SPATA7: variants seen among roughly 807,000 people sequenced by gnomAD.
SPATA7 encodes the protein spermatogenesis associated 7.
SPATA7 carries 43 observed loss-of-function variants against 51.8 expected under a neutral mutation model. That is an observed-to-expected ratio of 0.83 (90% CI 0.65 to 1.07). SPATA7 has a LOEUF of 1.07. SPATA7 is among the 50% of genes least tolerant of loss of function. The probability of loss-of-function intolerance (pLI) is 0.00; values close to 1 mark genes in which losing one functional copy is unlikely to be tolerated. For missense variants in SPATA7, 683 were observed against 701.3 expected (o/e 0.97, Z 0.30); for synonymous variants, 230 against 252.8 (o/e 0.91, Z 0.86).
At chr14:88,398,941 G>A (rs112999725) in intron 4 of SPATA7, among the ~76,000 whole-genome samples, 5,489 of 151,272 alleles carry the variant, frequency 0.036, 311 homozygotes, top group African/African-American at 0.12. Flanking sequence ...AGTCCCAGCT[G>A]CTCGGGAGGC....
At chr14:88,468,350 A>C in intron 4 of SPATA7, 1 of 1,361,684 alleles carries the variant, frequency 7.3e-7, no homozygotes, top group South Asian at 1.5e-5. Context: ...CCTGGCAGAA[A>C]CCTGGTTGGG....
At chr14:88,403,344 A>G (rs890113078) in intron 4 of SPATA7, among the ~76,000 whole-genome samples, 7 of 152,242 alleles carry the variant, frequency 4.6e-5, no homozygotes, top group African/African-American at 7.2e-5. Context: ...AAATGAAATC[A>G]GTATGTCAAG....
At chr14:88,417,771 A>G (rs2076525645) in intron 5 of SPATA7, among the ~76,000 whole-genome samples, 1 of 152,150 alleles carries the variant, frequency 6.6e-6, no homozygotes. Context: ...TCTGTCCATT[A>G]TTGATACTGG....
At chr14:88,390,485 T>TG (rs1186186492) in intron 1 of SPATA7, among the ~76,000 whole-genome samples, 1 of 152,180 alleles carries the variant, frequency 6.6e-6, no homozygotes, top group Non-Finnish European at 1.5e-5. Flanking sequence ...CCCAGTGAAA[T>TG]GAAAGTACCT....
intron 10 of SPATA7, among the ~76,000 whole-genome samples, chr14:88,433,615 T>G (rs745679685): frequency 2.6e-5 from 4 of 152,122 alleles, no homozygotes; most frequent in Non-Finnish European, 5.9e-5. Context: ...TGAGAACAAA[T>G]TAAGAGCTAG....
At chr14:88,404,550 C>T (rs1023193368) in intron 4 of SPATA7, among the ~76,000 whole-genome samples, 5 of 152,098 alleles carry the variant, frequency 3.3e-5, no homozygotes, top group Admixed American at 3.3e-4. Flanking sequence ...AACCCGTTCT[C>T]TACTAAAAAT....
Position 88,393,456 on chromosome 14 carries a change from C to T in SPATA7, c.158C>T (p.Ala53Val). The T allele has an allele frequency of 6.2e-7, 1 of 1,604,822 alleles. No individual in the cohort carries two copies. Among genetic ancestry groups the T allele is most frequent in the Admixed American group, 1.7e-5 (1 of 59,212 alleles). Residue 53 changes from alanine to valine, a missense_variant, in exon 3 of 12, where the codon GCT becomes GTT. Coordinates refer to ENST00000393545, the MANE Select transcript of SPATA7 (RefSeq NM_018418.5). ...STLQLVKNHMAVHYNKILSAK... is the reference protein window; with the variant it reads ...STLQLVKNHMVVHYNKILSAK... ...CTCCAGCTGGTCAAGAATCACATGGCTGTTCACTATAATAAAATCCTTTCA... is the reference window on the plus strand; with the variant it reads ...CTCCAGCTGGTCAAGAATCACATGGTTGTTCACTATAATAAAATCCTTTCA...
chr14:88,469,389 C>G lies in SPATA7; in HGVS notation c.255-458C>G. On this transcript the variant is annotated intron_variant, in intron 4 of 4. Transcript: ENST00000556406. The surrounding 1 kb of genome is among the most constrained non-coding windows in gnomAD (Gnocchi z 4.3). Reference sequence around the variant, plus strand: ...TGTATTCTTTATGTTAAAACAAGTCCGAAGCTTATATGAGATAACATAAAG... The same window carrying G: ...TGTATTCTTTATGTTAAAACAAGTCGGAAGCTTATATGAGATAACATAAAG... 2.0e-6 allele frequency: 2 copies of G among 999,034 alleles called. No individual in the cohort carries two copies. The highest frequency in any genetic ancestry group is 3.0e-6 in the Non-Finnish European group (2 of 677,136). The allele number at this position is 999,034 out of a possible 1,614,324, so 61.9% of individuals were successfully genotyped here. A position where few individuals can be genotyped will look rare whatever the true frequency, so the allele number is the denominator to read the frequency against.
chr14:88,386,620 C>G (rs1350967250), intron 1 of SPATA7, among the ~76,000 whole-genome samples: 3 of 152,108 alleles, frequency 2.0e-5, no homozygotes, highest in Non-Finnish European at 4.4e-5. Context: ...TGGGGAAATA[C>G]AATCTTAAAT....
intron 5 of SPATA7, among the ~76,000 whole-genome samples, chr14:88,420,766 G>C (rs984725522): frequency 6.6e-6 from 1 of 152,012 alleles, no homozygotes; most frequent in Non-Finnish European, 1.5e-5. Context: ...ATAAATATTT[G>C]AGTATATATC....
intron 4 of SPATA7, chr14:88,414,653 C>A: frequency 2.5e-6 from 1 of 400,020 alleles, no homozygotes; most frequent in South Asian, 1.9e-5. Flanking sequence ...AATTTGAGAT[C>A]TTTCTGTCTT....
At chr14:88,462,646 T>C (rs2077324935) in intron 4 of SPATA7, among the ~76,000 whole-genome samples, 1 of 152,236 alleles carries the variant, frequency 6.6e-6, no homozygotes, top group South Asian at 2.1e-4. Context: ...ATGTCGCTTG[T>C]GTACTGCTAT....
chr14:88,428,979 T>C (rs572077509), intron 7 of SPATA7: 3 of 220,586 alleles, frequency 1.4e-5, no homozygotes, highest in South Asian at 1.3e-4. Context: ...TGCTTCTACA[T>C]ATTTGACATG....
rs140318510 is a variant in SPATA7, at chr14:88,390,830, G to A, written c.20-551G>A. On this transcript the variant is annotated intron_variant, in intron 1 of 11. Transcript: ENST00000393545. Reference sequence around the variant, plus strand: ...TTACCCTCCTTCTTTCTTGGTAGAAGCTATGCTCATTTCATGACTATCTTT... The same window carrying A: ...TTACCCTCCTTCTTTCTTGGTAGAAACTATGCTCATTTCATGACTATCTTT... Among the ~76,000 whole-genome samples, 540 of 152,258 alleles carry A rather than the reference G, an allele frequency of 3.5e-3. 3 individuals carry two copies. The highest frequency in any genetic ancestry group is 5.9e-3 in the Non-Finnish European group (400 of 68,004).
intron 5 of SPATA7, among the ~76,000 whole-genome samples, chr14:88,422,570 T>C (rs2076675888): frequency 6.8e-6 from 1 of 147,280 alleles, no homozygotes; most frequent in Admixed American, 6.8e-5. Flanking sequence ...TTTTAATGTA[T>C]TTTATATATC....
intron 3 of SPATA7, among the ~76,000 whole-genome samples, chr14:88,451,182 G>C (rs537236925): frequency 1.3e-5 from 2 of 151,930 alleles, no homozygotes; most frequent in African/African-American, 4.8e-5. Context: ...TTTTTGTTTC[G>C]TTTTGAGATG....
intron 3 of SPATA7, among the ~76,000 whole-genome samples, chr14:88,449,878 A>G (rs942694307): frequency 1.3e-5 from 2 of 152,052 alleles, no homozygotes; most frequent in African/African-American, 4.8e-5. Flanking sequence ...AGTTTGTGTG[A>G]TACAAGAATA....
chr14:88,420,253 T>G (rs753476670), intron 5 of SPATA7, among the ~76,000 whole-genome samples: 20 of 152,122 alleles, frequency 1.3e-4, no homozygotes, highest in Non-Finnish European at 1.8e-4. Flanking sequence ...AGTCCTCAGG[T>G]CCGGTACAGA....
chr14:88,387,681 G>A (rs1332534), intron 1 of SPATA7, among the ~76,000 whole-genome samples: 1 of 152,090 alleles, frequency 6.6e-6, no homozygotes, highest in Non-Finnish European at 1.5e-5. Context: ...ACTGAAAAAC[G>A]GTTAGTCTTG....
Sources: allele counts gnomAD v4.1 joint callset (sites outside exome capture counted in the v4.1 genomes callset), GRCh38; gene constraint gnomAD v4.1.1; non-coding constraint Gnocchi (gnomAD v3.1); transcripts MANE v1.5; gene names NCBI Gene and HGNC (gene_info 2026-07-23, HGNC 2026-07-21).